Variants in KDM4C observed in about 807,000 individuals in gnomAD.
KDM4C encodes lysine-specific demethylase 4C.
A neutral mutation model predicts 129.3 loss-of-function variants in KDM4C; 81 were observed. That is an observed-to-expected ratio of 0.63 (90% confidence interval 0.52 to 0.75). The LOEUF is 0.75. KDM4C is among the 30% of genes least tolerant of loss of function. The pLI is 0.00. For synonymous variants in KDM4C, 573 were observed against 456.1 expected (o/e 1.26, Z -3.26); for missense variants, 1,457 against 1,304.0 (o/e 1.12, Z -1.81).
intron 1 of KDM4C, among the ~76,000 whole-genome samples, chr9:6,768,137 C>G (rs1226456033): frequency 6.6e-6 from 1 of 152,064 alleles, no homozygotes. Flanking sequence ...CCGAGAGTGT[C>G]AGGCATTGGA....
At chr9:6,983,217 T>C (rs536461259) in intron 9 of KDM4C, among the ~76,000 whole-genome samples, 1 of 152,314 alleles carries the variant, frequency 6.6e-6, no homozygotes, top group Admixed American at 6.5e-5. Flanking sequence ...CTTCCTACAG[T>C]GCTTAGTCCT....
chr9:7,004,261 G>A (rs1821251351), intron 12 of KDM4C, among the ~76,000 whole-genome samples: 1 of 152,180 alleles, frequency 6.6e-6, no homozygotes, highest in South Asian at 2.1e-4. Context: ...CTGAGTGAGT[G>A]AACGAATCTG....
chr9:6,942,610 C>G (rs567444442), intron 8 of KDM4C: 1 of 152,252 alleles, frequency 6.6e-6, no homozygotes, highest in Admixed American at 6.5e-5. Flanking sequence ...TGCTTTCCCT[C>G]CGTTATGAAA....
intron 17 of KDM4C, among the ~76,000 whole-genome samples, chr9:7,079,758 C>T (rs1177494820): frequency 6.6e-6 from 1 of 152,166 alleles, no homozygotes; most frequent in Non-Finnish European, 1.5e-5. Context: ...AAACTGGGAT[C>T]CGTGTATTCC....
At chr9:7,067,979 G>A (rs1411903727) in intron 17 of KDM4C, among the ~76,000 whole-genome samples, 1 of 152,076 alleles carries the variant, frequency 6.6e-6, no homozygotes, top group Non-Finnish European at 1.5e-5. Context: ...TGTATTTTTA[G>A]TAGAGACGGG....
chr9:6,937,611 G>C (rs1028941721), intron 8 of KDM4C, among the ~76,000 whole-genome samples: 2 of 152,108 alleles, frequency 1.3e-5, no homozygotes, highest in Non-Finnish European at 2.9e-5. Flanking sequence ...AGCAGGCTGG[G>C]AGTCTTCACC....
chr9:7,056,343 T>G (rs892562976), intron 17 of KDM4C, among the ~76,000 whole-genome samples: 1 of 103,504 alleles, frequency 9.7e-6, no homozygotes, highest in Non-Finnish European at 2.1e-5. Flanking sequence ...TTTAAATAAG[T>G]GTAGTGCAAA....
At position 6,800,030 on chromosome 9, in the gene KDM4C, C is replaced by A. The variant is rs542259597; in HGVS notation, c.145-5569C>A. Among the ~76,000 whole-genome samples the A allele has an allele frequency of 3.4e-4, 52 of 151,144 alleles. 1 individual carries two copies. The South Asian group carries it at 0.01, about 29-fold the overall frequency. The stretch of plus-strand genomic sequence containing the variant: ...TTGAGCCCATGAGTTCGAGACCAGC[C>A]CTGGCAACATAGCGAGACCACATCT... On this transcript the variant is annotated intron_variant, in intron 2 of 21. Coordinates refer to ENST00000381309, the MANE Select transcript of KDM4C (RefSeq NM_015061.6).
At chr9:6,894,109 TA>T (rs1251925906) in intron 8 of KDM4C, among the ~76,000 whole-genome samples, 8 of 152,252 alleles carry the variant, frequency 5.3e-5, no homozygotes, top group Admixed American at 5.2e-4. Context: ...TCTACACTGA[TA>T]AAACTTACAT....
chr9:6,781,684 C>G lies in KDM4C; in HGVS notation c.-17-11288C>G, dbSNP rs1002794330. 6.6e-5 allele frequency among the ~76,000 whole-genome samples: 10 copies of G among 152,228 alleles called. No homozygotes were observed. The East Asian group carries it at 9.6e-4, about 15-fold the overall frequency. ...TGGACACTTGTTTGCATTATGAGAG[C>G]TGAAACAAGAAAGCCTTTGTTTGGC... On this transcript the variant is annotated intron_variant, in intron 1 of 21. Coordinates refer to ENST00000381309, the MANE Select transcript of KDM4C (RefSeq NM_015061.6).
chr9:6,805,981 G>A (rs145948307), intron 3 of KDM4C, among the ~76,000 whole-genome samples: 49 of 152,116 alleles, frequency 3.2e-4, no homozygotes, highest in African/African-American at 1.1e-3. Context: ...TTATTATCTC[G>A]TTCCTAGCAG....
chr9:7,022,628 C>CCTTT (rs1440570375), intron 15 of KDM4C, among the ~76,000 whole-genome samples: 3 of 117,506 alleles, frequency 2.6e-5, no homozygotes, highest in African/African-American at 3.8e-5. Flanking sequence ...ATTTGCAAAC[C>CCTTT]CTTTATTTCT....
intron 4 of KDM4C, among the ~76,000 whole-genome samples, chr9:6,821,120 T>C (rs145533372): frequency 5.8e-4 from 88 of 152,312 alleles, no homozygotes; most frequent in African/African-American, 2.0e-3. Context: ...CAGTCTATCA[T>C]TGATGGACAT....
chr9:7,040,193 T>A (rs189159435), intron 15 of KDM4C, among the ~76,000 whole-genome samples: 2 of 152,236 alleles, frequency 1.3e-5, no homozygotes, highest in Admixed American at 6.5e-5. Context: ...ATTTGTGGTC[T>A]TATCTTACAT....
intron 17 of KDM4C, among the ~76,000 whole-genome samples, chr9:7,056,460 C>T (rs1479421007): frequency 6.6e-6 from 1 of 152,022 alleles, no homozygotes; most frequent in Non-Finnish European, 1.5e-5. Flanking sequence ...GCTGTAATAC[C>T]AAACCATAAA....
chr9:7,011,599 A>G (rs572047162), intron 12 of KDM4C, 99 bp from the exon 13 acceptor site: 2 of 1,109,730 alleles, frequency 1.8e-6, no homozygotes, highest in African/African-American at 1.5e-5. Flanking sequence ...TCCGGCCTTA[A>G]TATCACAGAT....
At chr9:6,903,703 A>G (rs530125995) in intron 8 of KDM4C, among the ~76,000 whole-genome samples, 152 of 152,308 alleles carry the variant, frequency 1.0e-3, no homozygotes, top group African/African-American at 3.4e-3. Context: ...ACAGAAAAGC[A>G]TTGGAAAGGA....
intron 19 of KDM4C, among the ~76,000 whole-genome samples, chr9:7,141,237 G>C (rs1587841362): frequency 6.6e-6 from 1 of 152,142 alleles, no homozygotes; most frequent in East Asian, 1.9e-4. Context: ...TTTCTGGTTA[G>C]GCCAGTAGAA....
At position 6,732,326 on chromosome 9, in the gene KDM4C, C is replaced by G. The variant is rs1256160686; in HGVS notation, c.49+11329C>G. ...GTTGCAGTGAGCTGAGATCATGCCA[C>G]TGCACTCCAGCCTGGGTGACAGAGC... On this transcript the variant is annotated intron_variant, in intron 1 of 17. Coordinates refer to the KDM4C transcript ENST00000536108. Among the ~76,000 whole-genome samples the G allele has an allele frequency of 3.2e-5, 4 of 124,830 alleles. No individual in the cohort carries two copies. The East Asian group carries it at 1.0e-3, about 31-fold the overall frequency. The allele number at this position is 124,830 out of a possible 152,430, so 81.9% of individuals were successfully genotyped here.
Sources: allele counts gnomAD v4.1 joint callset (sites outside exome capture counted in the v4.1 genomes callset), GRCh38; gene constraint gnomAD v4.1.1; transcripts MANE v1.5; gene names NCBI Gene and HGNC (gene_info 2026-07-23, HGNC 2026-07-21).